The following WDR27 variants were observed in gnomAD, a reference collection of about 807,000 sequenced individuals.
WDR27 encodes the protein WD repeat domain 27.
WDR27 carries 100 observed loss-of-function variants against 114.4 expected under a neutral mutation model. The ratio of observed to expected loss-of-function variants is 0.87; its 90% confidence interval spans 0.74 to 1.03. WDR27 has a LOEUF of 1.03. WDR27 is among the 50% of genes least tolerant of loss of function. The pLI, the probability that WDR27 is intolerant of heterozygous loss-of-function variation, is 0.00. For synonymous variants in WDR27, 449 were observed against 423.1 expected (o/e 1.06, Z -0.75); for missense variants, 1,129 against 1,092.9 (o/e 1.03, Z -0.47).
At chr6:169,478,632 G>A (rs1435530529) in intron 25 of WDR27, among the ~76,000 whole-genome samples, 1 of 150,956 alleles carries the variant, frequency 6.6e-6, no homozygotes, top group African/African-American at 2.4e-5. Flanking sequence ...ATCTTAAAAA[G>A]CAATGATTAA....
At chr6:169,675,843 GCT>G (rs1779953946) in intron 2 of WDR27, among the ~76,000 whole-genome samples, 1 of 152,116 alleles carries the variant, frequency 6.6e-6, no homozygotes, top group South Asian at 2.1e-4. Flanking sequence ...AGGGTACTTG[GCT>G]CTTACTCAAT....
intron 25 of WDR27, among the ~76,000 whole-genome samples, chr6:169,565,044 G>A (rs148331421): frequency 6.1e-4 from 92 of 152,046 alleles, no homozygotes; most frequent in African/African-American, 1.5e-3. Context: ...CTGAAGCCTC[G>A]CCGAGCTGAG....
chr6:169,436,710 T>C, the WDR27 span, among the ~76,000 whole-genome samples: 78 of 152,232 alleles, frequency 5.1e-4, no homozygotes, highest in Non-Finnish European at 1.0e-3. Context: ...TAGACATTGA[T>C]AAAACATGAG....
At chr6:169,658,909 G>A (rs977949594) in intron 12 of WDR27, among the ~76,000 whole-genome samples, 177 bp downstream of exon 12, 2 of 152,066 alleles carry the variant, frequency 1.3e-5, no homozygotes, top group Admixed American at 1.3e-4. Context: ...GGATGGTCTC[G>A]ATCTCCTGAC....
intron 25 of WDR27, among the ~76,000 whole-genome samples, chr6:169,510,909 T>C (rs1792750731): frequency 1.3e-5 from 2 of 152,136 alleles, no homozygotes; most frequent in Non-Finnish European, 2.9e-5. Flanking sequence ...CAACCTAAGA[T>C]TACAAGGCAA....
rs1783747555 is a variant in WDR27 at position 169,688,885 on chromosome 6, G to C, written c.121C>G (p.Gln41Glu). 3 of 1,613,872 alleles carry C rather than the reference G, an allele frequency of 1.9e-6. No homozygotes were observed. Reference sequence around the variant, plus strand: ...CCATCCAAAGGGAAAGCACAGTCCTGCATGCTGCAAGCAAGCTGAACATGA... The same window carrying C: ...CCATCCAAAGGGAAAGCACAGTCCTCCATGCTGCAAGCAAGCTGAACATGA... Reference protein sequence around the residue: ...VSHVQLACSMQDCAFPLDGTE... With the variant: ...VSHVQLACSMEDCAFPLDGTE... The change falls in exon 2 of 26, where the codon CAG becomes GAG. Residue 41 changes from glutamine (Q) to glutamate (E), a missense_variant. Physicochemically the swap from Gln to Glu is conservative, Grantham distance 29. Transcript: ENST00000448612.
chr6:169,659,241 A>G lies in WDR27; in HGVS notation c.1198-34T>C, dbSNP rs1447413818. 1 of 1,568,328 alleles carries G rather than the reference A, an allele frequency of 6.4e-7. No homozygotes were observed. The highest frequency in any genetic ancestry group is 1.9e-5 in the Admixed American group (1 of 53,746). The stretch of plus-strand genomic sequence containing the variant: ...ACGCGGTTTCAACATCGTTAGCGAC[A>G]CCACCCAGTAAAAGCAGACGAAACG... On this transcript the variant is annotated intron_variant, in intron 11 of 25. Coordinates refer to ENST00000448612, the MANE Select transcript of WDR27 (RefSeq NM_182552.5). This position sits in a 1 kb window ranked among gnomAD's most constrained non-coding sequence, Gnocchi z 4.3.
At chr6:169,428,109 G>A in the WDR27 span, among the ~76,000 whole-genome samples, 2 of 152,188 alleles carry the variant, frequency 1.3e-5, no homozygotes, top group African/African-American at 2.4e-5. Context: ...ATGAAGTCAG[G>A]GGAGGGGAGC....
At chr6:169,521,969 G>C (rs114736047) in intron 25 of WDR27, among the ~76,000 whole-genome samples, 1 of 152,124 alleles carries the variant, frequency 6.6e-6, no homozygotes, top group African/African-American at 2.4e-5. Context: ...AATGGCCATT[G>C]TAAGTCTTCA....
chr6:169,556,036 G>T (rs539367792), intron 25 of WDR27, among the ~76,000 whole-genome samples: 1 of 152,184 alleles, frequency 6.6e-6, no homozygotes, highest in Non-Finnish European at 1.5e-5. Flanking sequence ...CATGGGAGGC[G>T]CCTGTGGCAT....
At chr6:169,646,395 C>T (rs979182055) in intron 16 of WDR27, among the ~76,000 whole-genome samples, 8 of 152,276 alleles carry the variant, frequency 5.3e-5, no homozygotes, top group African/African-American at 1.9e-4. Context: ...CAGCAGATTG[C>T]CCAGAGGCAT....
chr6:169,628,038 C>T (rs1044631149), intron 21 of WDR27, among the ~76,000 whole-genome samples: 3 of 152,026 alleles, frequency 2.0e-5, no homozygotes, highest in African/African-American at 7.2e-5. Flanking sequence ...GTTGCTCTCC[C>T]CCCAGAATTC....
chr6:169,451,018 G>C, the WDR27 span, among the ~76,000 whole-genome samples: 11 of 152,136 alleles, frequency 7.2e-5, no homozygotes, highest in African/African-American at 2.4e-4. Flanking sequence ...AAATAAGATA[G>C]CTACAAAGAT....
chr6:169,565,497 T>G (rs923261226), intron 25 of WDR27, among the ~76,000 whole-genome samples: 4 of 152,180 alleles, frequency 2.6e-5, no homozygotes, highest in African/African-American at 9.7e-5. Flanking sequence ...AAATCTGTAT[T>G]TCCCCGCTTG....
intron 18 of WDR27, 85 bp downstream of exon 18, chr6:169,638,454 C>A: frequency 2.0e-6 from 3 of 1,522,708 alleles, no homozygotes; most frequent in East Asian, 2.4e-5. Context: ...TCCTCATCTC[C>A]TGTTAAGGTA....
At chr6:169,657,130 G>A (rs76282322) in intron 13 of WDR27, among the ~76,000 whole-genome samples, 145 of 152,292 alleles carry the variant, frequency 9.5e-4, no homozygotes, top group African/African-American at 3.1e-3. Context: ...AGCAGGGACC[G>A]CCATGGCAGG....
chr6:169,647,817 G>C lies in WDR27; in HGVS notation c.1613C>G (p.Ala538Gly), dbSNP rs762518824. 8.8e-6 allele frequency: 14 copies of C among 1,585,074 alleles called. No homozygotes were observed. Among genetic ancestry groups the C allele is most frequent in the Non-Finnish European group, 1.1e-5 (13 of 1,166,814 alleles). Residue 538 changes from alanine (A) to glycine (G), a missense_variant, in exon 16 of 26, where the codon GCT becomes GGT. Transcript: ENST00000448612. ...AVPTKPGPQV[A>G]AAPTCTRVCC... ...TACACGTGTGCAGGTGGGGGCGGCA[G>C]CGACCTGGGGGCCGGGCTTGGTGGG...
At chr6:169,647,707 T>A in intron 16 of WDR27, 66 bp downstream of exon 16, 1 of 1,286,660 alleles carries the variant, frequency 7.8e-7, no homozygotes. Flanking sequence ...GAAAAATGTT[T>A]ACAGTGGGCA....
intron 24 of WDR27, among the ~76,000 whole-genome samples, chr6:169,573,126 C>T (rs1410618641): frequency 6.6e-6 from 1 of 152,248 alleles, no homozygotes; most frequent in South Asian, 2.1e-4. Context: ...GGGCTCTGCA[C>T]GCAGACCTCC....
Sources: gnomAD v4.1 joint callset for allele counts (sites outside exome capture counted in the v4.1 genomes callset) on GRCh38, gnomAD v4.1.1 for gene constraint, Gnocchi (gnomAD v3.1) non-coding constraint, MANE v1.5 for transcripts, NCBI Gene and HGNC (gene_info 2026-07-23, HGNC 2026-07-21) for gene names.